CFAP65: variants seen among roughly 807,000 people sequenced by gnomAD.
The protein encoded by CFAP65 is cilia and flagella associated protein 65.
Under a neutral mutation model 208.0 loss-of-function variants are expected in CFAP65, and 155 were observed. The observed-to-expected ratio is 0.75, with a 90% CI of 0.65 to 0.85. The LOEUF (loss-of-function observed/expected upper bound fraction) is 0.85, where lower values mean the gene tolerates loss of function less well. Among genes scored for constraint, CFAP65 ranks in the 40% least tolerant of loss-of-function variants. CFAP65 has a pLI of 0.00. For synonymous variants in CFAP65, 970 were observed against 986.3 expected (o/e 0.98, Z 0.31); for missense variants, 2,294 against 2,451.3 (o/e 0.94, Z 1.36).
chr2:219,034,349 C>T (rs1948224748), intron 5 of CFAP65: 1 of 152,146 alleles, frequency 6.6e-6, no homozygotes, highest in Admixed American at 6.6e-5. Flanking sequence ...ATACTACCAG[C>T]TATCAAGACT....
rs1948311152 is a variant in CFAP65 at position 219,035,618 on chromosome 2, T to C, written c.404A>G (p.Glu135Gly). The C allele has an allele frequency of 6.2e-7, 1 of 1,613,958 alleles. No homozygotes were observed. The highest frequency in any genetic ancestry group is 1.3e-5 in the African/African-American group (1 of 74,870). ...CCAGATGACCCTCTTGTTCACTCTCTCCTGCTTCTTTGGGGAGTGCATCTG... is the reference window on the plus strand; with the variant it reads ...CCAGATGACCCTCTTGTTCACTCTCCCCTGCTTCTTTGGGGAGTGCATCTG... ...DTQMHSPKKQERVNKRVIWGI... is the reference protein window; with the variant it reads ...DTQMHSPKKQGRVNKRVIWGI... Residue 135 changes from glutamate (E) to glycine (G), a missense_variant, in exon 5 of 35, where the codon GAG (glutamate) becomes GGG (glycine). This residue lies in a region of CFAP65 where 867 missense variants were observed against 1,012.6 expected (regional missense o/e 0.86). Coordinates refer to ENST00000341552, the MANE Select transcript of CFAP65 (RefSeq NM_194302.4).
At chr2:219,016,701 A>G (rs1198724710) in intron 21 of CFAP65, among the ~76,000 whole-genome samples, 1 of 152,146 alleles carries the variant, frequency 6.6e-6, no homozygotes, top group Non-Finnish European at 1.5e-5. Flanking sequence ...CGGCCTCCCA[A>G]CATGTCCCCT....
intron 1 of CFAP65, among the ~76,000 whole-genome samples, chr2:219,041,154 T>C (rs1409446938): frequency 6.6e-6 from 1 of 152,228 alleles, no homozygotes; most frequent in Non-Finnish European, 1.5e-5. Context: ...ATATATATCA[T>C]GAGCTTCCTT....
intron 14 of CFAP65, among the ~76,000 whole-genome samples, 183 bp downstream of exon 14, chr2:219,025,839 G>A (rs1429136493): frequency 1.3e-5 from 2 of 152,200 alleles, no homozygotes; most frequent in Non-Finnish European, 2.9e-5. Context: ...CAGTGTCGGG[G>A]CCCAGGAGCA....
chr2:219,027,869 T>C lies in CFAP65; in HGVS notation c.1992A>G (p.Pro664=), dbSNP rs892419451. The change falls in exon 13 of 35, where the codon CCA becomes CCG. Residue 664 remains proline, a synonymous_variant. Transcript: ENST00000341552. ...GTACAGGGTTGGGGGCCTCAGGCCC[T>C]GGGCAGGCACCGAAGTCTACCTCGA... ...EPVEVDFGAC[P]GPEAPNPVPL... is the part of the protein sequence containing the mutation. 1.3e-6 allele frequency: 2 copies of C among 1,568,970 alleles called. No homozygotes were observed. The highest frequency in any genetic ancestry group is 8.7e-7 in the Non-Finnish European group (1 of 1,154,768).
Position 219,031,982 on chromosome 2 carries a change from G to C in CFAP65, c.646-324C>G, listed in dbSNP as rs1189942597. 6.8e-6 allele frequency among the ~76,000 whole-genome samples: 1 copy of C among 146,378 alleles called. No individual in the cohort carries two copies. Among genetic ancestry groups the C allele is most frequent in the Non-Finnish European group, 1.5e-5 (1 of 67,110 alleles). On this transcript the variant is annotated intron_variant, in intron 6 of 34. Transcript: ENST00000341552. This position sits in a 1 kb window ranked among gnomAD's most constrained non-coding sequence, Gnocchi z 5.2. ...GTCACCCAGGCTGGAGTGCAGTGGTGAGATCTCAGCTCACTGCAACAGCCG... is the reference window on the plus strand; with the variant it reads ...GTCACCCAGGCTGGAGTGCAGTGGTCAGATCTCAGCTCACTGCAACAGCCG...
Position 219,040,524 on chromosome 2 carries a change from A to T in CFAP65, c.-8T>A, listed in dbSNP as rs1276201651. The T allele has an allele frequency of 1.3e-6, 2 of 1,490,548 alleles. No individual in the cohort carries two copies. The highest frequency in any genetic ancestry group is 1.8e-6 in the Non-Finnish European group (2 of 1,091,542). 92.3% of individuals were successfully genotyped at this position (1,490,548 alleles called of 1,614,324 possible). On this transcript the variant is annotated 5_prime_UTR_variant, in exon 2 of 35. The change creates a new upstream start codon in the 5' untranslated region. Transcript: ENST00000341552. ...AAGGCAGGCAAGGCTCCTACCTCCA[A>T]TTGTGAACTGGACGTTCAGATGAAA...
In CFAP65 at chr2:219,021,260, C is replaced by G; in HGVS notation, c.3151G>C (p.Glu1051Gln). The change falls in exon 19 of 35, where the codon GAG becomes CAG. Residue 1051 changes from glutamate to glutamine, a missense_variant. By Grantham distance (29) the Glu-to-Gln change is conservative. Coordinates refer to ENST00000341552, the MANE Select transcript of CFAP65 (RefSeq NM_194302.4). Reference protein sequence around the residue: ...HPLALQLDRTEGSMPPRSQDT... With the variant: ...HPLALQLDRTQGSMPPRSQDT... Reference sequence around the variant, plus strand: ...TGGGACCGGGGTGGCATGCTCCCCTCTGTTCGGTCCAGCTGCAGAGCTGCT... The same window carrying G: ...TGGGACCGGGGTGGCATGCTCCCCTGTGTTCGGTCCAGCTGCAGAGCTGCT... The G allele has an allele frequency of 6.2e-7, 1 of 1,601,344 alleles. No individual in the cohort carries two copies.
rs764722943 is a variant in CFAP65, at chr2:219,038,968, G to A, written c.81C>T (p.Phe27=). 2.5e-6 allele frequency: 4 copies of A among 1,613,806 alleles called. No homozygotes were observed. The highest frequency in any genetic ancestry group is 2.2e-5 in the East Asian group (1 of 44,866). The stretch of plus-strand genomic sequence containing the variant: ...CTCTTAGGAGAAGAGGAATAAGGGG[G>A]AAAGAAGAGGCAAATGAGACTGATG... ...ENPSVSFASS[F]PLIPLLLRGK... Residue 27 remains phenylalanine (F), a synonymous_variant, in exon 3 of 35, where the codon TTC becomes TTT. Coordinates refer to ENST00000341552, the MANE Select transcript of CFAP65 (RefSeq NM_194302.4).
chr2:219,033,725 G>A (rs977605884), intron 5 of CFAP65: 4 of 152,156 alleles, frequency 2.6e-5, no homozygotes, highest in African/African-American at 7.2e-5. Flanking sequence ...TTTACTCTGA[G>A]ATGATAAACA....
At chr2:219,036,878 T>C (rs1027264083) in intron 4 of CFAP65, among the ~76,000 whole-genome samples, 2 of 152,238 alleles carry the variant, frequency 1.3e-5, no homozygotes, top group African/African-American at 4.8e-5. Context: ...GGGACTACAA[T>C]GGTGAACAGG....
In CFAP65 at chr2:219,041,448, C is replaced by T. The variant is rs1260042278; in HGVS notation, c.-49+40G>A. 7.7e-6 allele frequency: 12 copies of T among 1,550,004 alleles called. No individual in the cohort carries two copies. In the Middle Eastern group the frequency reaches 5.0e-4, roughly 64 times the overall value. On this transcript the variant is annotated intron_variant, in intron 1 of 34. Transcript: ENST00000341552. ...CTTCCCTGGCCACTCGCGCCGCTCC[C>T]TGAGACCCTGGGACCTTGGGACTAA...
In CFAP65 at chr2:219,010,846, C is replaced by A; in HGVS notation, c.4108G>T (p.Val1370Phe). 1 of 1,612,556 alleles carries A rather than the reference C, an allele frequency of 6.2e-7. No individual in the cohort carries two copies. Among genetic ancestry groups the A allele is most frequent in the Non-Finnish European group, 8.5e-7 (1 of 1,179,012 alleles). ...TCGATAGGTGAGAAGATCCACAAGACCCGGGCAGTGCTGCCTGGCTGGATC... is the reference window on the plus strand; with the variant it reads ...TCGATAGGTGAGAAGATCCACAAGAACCGGGCAGTGCTGCCTGGCTGGATC... Reference protein sequence around the residue: ...GEIQPGSTARVLWIFSPIEAK... With the variant: ...GEIQPGSTARFLWIFSPIEAK... The change falls in exon 25 of 35, where the codon GTC becomes TTC. Residue 1370 changes from valine to phenylalanine, a missense_variant. Val to Phe is a conservative substitution (Grantham distance 50). Transcript: ENST00000341552.
At position 219,030,899 on chromosome 2, in the gene CFAP65, C is replaced by T; in HGVS notation, c.1016-65G>A. On this transcript the variant is annotated intron_variant, in intron 8 of 34. Coordinates refer to ENST00000341552, the MANE Select transcript of CFAP65 (RefSeq NM_194302.4). ...GGCCTCTGTGGCCCCAGCTGAACAG[C>T]CCCTCGAAGAAGGCAGGTGGCCCCA... is the stretch of plus-strand genomic sequence containing the variant. The T allele has an allele frequency of 9.6e-6, 15 of 1,559,170 alleles. No individual in the cohort carries two copies. In the South Asian group the frequency reaches 1.8e-4, roughly 19 times the overall value.
intron 26 of CFAP65, 63 bp downstream of exon 26, chr2:219,010,483 G>T: frequency 6.5e-7 from 1 of 1,540,806 alleles, no homozygotes; most frequent in Non-Finnish European, 8.7e-7. Flanking sequence ...CTTCTGTCTG[G>T]CCACCCTGGG....
At position 219,032,056 on chromosome 2, in the gene CFAP65, A is replaced by T. The variant is rs1205928963; in HGVS notation, c.646-398T>A. On this transcript the variant is annotated intron_variant, in intron 6 of 34. Transcript: ENST00000341552. This position sits in a 1 kb window ranked among gnomAD's most constrained non-coding sequence, Gnocchi z 5.5. Reference sequence around the variant, plus strand: ...TGCCTCAGCCTCCCAAGTAGCTGGGACTACAGGCATGTGCCACCATGCCTG... The same window carrying T: ...TGCCTCAGCCTCCCAAGTAGCTGGGTCTACAGGCATGTGCCACCATGCCTG... Among the ~76,000 whole-genome samples the T allele has an allele frequency of 6.6e-6, 1 of 151,006 alleles. No homozygotes were observed. Among genetic ancestry groups the T allele is most frequent in the African/African-American group, 2.4e-5 (1 of 40,966 alleles).
chr2:219,007,182 G>GTT (rs772921583), intron 29 of CFAP65, among the ~76,000 whole-genome samples: 54 of 143,140 alleles, frequency 3.8e-4, no homozygotes, highest in African/African-American at 1.1e-3. Context: ...TTTTTTCTTT[G>GTT]TTTTTTTTTT....
At chr2:219,035,049 G>A (rs73994007) in intron 5 of CFAP65, 14,995 of 320,178 alleles carry the variant, frequency 0.047, 968 homozygotes, top group African/African-American at 0.19. Flanking sequence ...GAGCAAGGTG[G>A]TGGAATAGAA....
chr2:219,013,681 C>T, intron 22 of CFAP65, 96 bp from the exon 23 acceptor site: 2 of 1,316,574 alleles, frequency 1.5e-6, no homozygotes, highest in East Asian at 2.4e-5. Context: ...TTGAGCTGGC[C>T]AGCCCCTGGG....
Sources: allele counts gnomAD v4.1 joint callset (sites outside exome capture counted in the v4.1 genomes callset), GRCh38; gene constraint gnomAD v4.1.1; regional missense constraint gnomAD v4.1.1; non-coding constraint Gnocchi (gnomAD v3.1); transcripts MANE v1.5; gene names NCBI Gene and HGNC (gene_info 2026-07-23, HGNC 2026-07-21).